The following LCT variants were observed in gnomAD, a reference collection of about 807,000 sequenced individuals.
LCT encodes lactase/phlorizin hydrolase.
Under a neutral mutation model 173.0 loss-of-function variants are expected in LCT, and 90 were observed. The ratio of observed to expected loss-of-function variants is 0.52; its 90% CI spans 0.44 to 0.62. The LOEUF is 0.62. Ranked by LOEUF, LCT falls within the 20% of genes least tolerant of loss-of-function variation. The probability of loss-of-function intolerance (pLI) is 0.00; values close to 1 mark genes in which losing one functional copy is unlikely to be tolerated. For missense variants in LCT, 1,864 were observed against 2,431.4 expected (o/e 0.77, Z 4.91); for synonymous variants, 853 against 957.6 (o/e 0.89, Z 2.02).
chr2:135,811,333 A>G (rs2077732819), intron 7 of LCT, among the ~76,000 whole-genome samples: 1 of 152,224 alleles, frequency 6.6e-6, no homozygotes. Flanking sequence ...TTATTTGGAA[A>G]AAGGATCTTT....
At chr2:135,819,004 C>T (rs569996247) in intron 5 of LCT, among the ~76,000 whole-genome samples, 12 of 152,312 alleles carry the variant, frequency 7.9e-5, no homozygotes, top group African/African-American at 2.6e-4. Context: ...GCTCAAGCAT[C>T]CATCCTGAAC....
chr2:135,793,992 T>C (rs942009185), intron 14 of LCT, among the ~76,000 whole-genome samples: 3 of 142,258 alleles, frequency 2.1e-5, no homozygotes, highest in African/African-American at 7.7e-5. Flanking sequence ...AAAAAAAAAT[T>C]AGCCAGGCGT....
intron 13 of LCT, among the ~76,000 whole-genome samples, chr2:135,795,477 G>C (rs1304006187): frequency 6.6e-6 from 1 of 151,942 alleles, no homozygotes; most frequent in African/African-American, 2.4e-5. Context: ...CTAAAGTGTT[G>C]GGATTACAGG....
At chr2:135,796,323 A>G (rs1027404699) in intron 13 of LCT, among the ~76,000 whole-genome samples, 3 of 152,192 alleles carry the variant, frequency 2.0e-5, no homozygotes, top group African/African-American at 4.8e-5. Context: ...ATGATGGGAG[A>G]AAACCAAAGC....
In LCT at chr2:135,809,359, C is replaced by G. The variant is rs1283758813; in HGVS notation, c.2988G>C (p.Gly996=). 1.2e-6 allele frequency: 2 copies of G among 1,614,186 alleles called. No homozygotes were observed. The highest frequency in any genetic ancestry group is 1.7e-5 in the Admixed American group (1 of 60,024). The change falls in exon 8 of 17, where the codon GGG becomes GGC. Residue 996 remains glycine (G), a synonymous_variant. Transcript: ENST00000264162. This position sits in a 1 kb window ranked among gnomAD's most constrained non-coding sequence, Gnocchi z 5.5. ...TGATCAGCCTGTTGTAATAATCAAC[C>G]CCATGACTGTTGATAGAGCTGTTTC... ...TGRNSSINSH[G]VDYYNRLING...
rs1180768742 is a variant in LCT at position 135,805,038 on chromosome 2, G to T, written c.4193C>A (p.Ala1398Glu). 6.2e-6 allele frequency: 10 copies of T among 1,614,004 alleles called. No homozygotes were observed. The Admixed American group carries it at 6.7e-5, about 11-fold the overall frequency. ...CCAAATGCTGAGTCCTTTGCCATCT[G>T]CTCTCCACGCACCTTCAATCTCAAG... ...AAYQIEGAWR[A>E]DGKGLSIWDT... is the part of the protein sequence containing the mutation. Residue 1398 changes from alanine (A) to glutamate (E), a missense_variant, in exon 10 of 17, where the codon GCA (alanine) becomes GAA (glutamate). By Grantham distance (107) the Ala-to-Glu change is moderately radical (BLOSUM62 -1). This residue lies in a region of LCT where 514 missense variants were observed against 750.1 expected (regional missense o/e 0.69). Coordinates refer to ENST00000264162, the MANE Select transcript of LCT (RefSeq NM_002299.4).
At chr2:135,789,866 GA>G in intron 15 of LCT, 68 bp from the exon 16 acceptor site, 1 of 1,304,698 alleles carries the variant, frequency 7.7e-7, no homozygotes, top group Non-Finnish European at 1.1e-6. Flanking sequence ...CAGGCCTTCG[GA>G]AGCCAGGTCT....
At chr2:135,798,954 G>A (rs1408597479) in intron 12 of LCT, among the ~76,000 whole-genome samples, 2 of 152,126 alleles carry the variant, frequency 1.3e-5, no homozygotes, top group African/African-American at 4.8e-5. Context: ...ATAGTCCATG[G>A]CTGCAGTATC....
At chr2:135,793,152 T>A (rs1228264145) in intron 14 of LCT, among the ~76,000 whole-genome samples, 1 of 152,230 alleles carries the variant, frequency 6.6e-6, no homozygotes. Flanking sequence ...ACTGCTCGCA[T>A]AACCAGCGTT....
rs565277342 is a variant in LCT at position 135,825,005 on chromosome 2, A to G, written c.805-1002T>C. On this transcript the variant is annotated intron_variant, in intron 3 of 16. Transcript: ENST00000264162. ...CAGGCTCCATCTCAAAAAAAAAAAAAAAAAGAAAAAGAAAAGTTATATTAG... is the reference window on the plus strand; with the variant it reads ...CAGGCTCCATCTCAAAAAAAAAAAAGAAAAGAAAAAGAAAAGTTATATTAG... 2.7e-3 allele frequency among the ~76,000 whole-genome samples: 409 copies of G among 151,850 alleles called. 1 individual carries two copies. Among genetic ancestry groups the G allele is most frequent in the African/African-American group, 8.9e-3 (365 of 41,182 alleles).
chr2:135,810,865 A>C (rs2077729001), intron 7 of LCT, among the ~76,000 whole-genome samples: 1 of 151,914 alleles, frequency 6.6e-6, no homozygotes, highest in African/African-American at 2.4e-5. Context: ...TCTCTACTAA[A>C]AATACAAAAA....
chr2:135,807,050 C>G, intron 9 of LCT, 78 bp downstream of exon 9: 1 of 1,528,898 alleles, frequency 6.5e-7, no homozygotes, highest in Non-Finnish European at 9.1e-7. Context: ...ATGCATCTGC[C>G]CTTCCCAGCA....
rs2077655876 is a variant in LCT at position 135,804,809 on chromosome 2, C to T, written c.4422G>A (p.Val1474=). The change falls in exon 10 of 17, where the codon GTG becomes GTA. Residue 1474 remains valine, a synonymous_variant. Transcript: ENST00000264162. ...YINEAGLNYY[V]RLIDTLLAAS... is the part of the protein sequence containing the mutation. Reference sequence around the variant, plus strand: ...CGGCCAGCAGTGTATCGATGAGCCTCACGTAGTAGTTCAGGCCCGCTTCAT... The same window carrying T: ...CGGCCAGCAGTGTATCGATGAGCCTTACGTAGTAGTTCAGGCCCGCTTCAT... The T allele has an allele frequency of 6.2e-7, 1 of 1,613,592 alleles. No homozygotes were observed. The highest frequency in any genetic ancestry group is 8.5e-7 in the Non-Finnish European group (1 of 1,180,048).
rs76910635 is a variant in LCT, at chr2:135,831,772, G to A, written c.720+1339C>T. On this transcript the variant is annotated intron_variant, in intron 2 of 16. Coordinates refer to ENST00000264162, the MANE Select transcript of LCT (RefSeq NM_002299.4). ...CTGGGGCCCCCATCAACGCACAGAC[G>A]CCAATGAGCAGCACAACATCTCTAC... 7.5e-3 allele frequency among the ~76,000 whole-genome samples: 1,138 copies of A among 152,214 alleles called. 13 individuals carry two copies. Among genetic ancestry groups the A allele is most frequent in the African/African-American group, 0.026 (1,070 of 41,508 alleles).
intron 4 of LCT, among the ~76,000 whole-genome samples, chr2:135,823,651 C>T (rs1307383724): frequency 6.6e-6 from 1 of 152,160 alleles, no homozygotes; most frequent in Non-Finnish European, 1.5e-5. Flanking sequence ...CAGCTGAGGC[C>T]TAACTATCTT....
chr2:135,804,164 T>A (rs773119100), intron 10 of LCT, 36 bp from the exon 11 acceptor site: 1 of 1,555,278 alleles, frequency 6.4e-7, no homozygotes, highest in Admixed American at 1.7e-5. Flanking sequence ...GCATCAGTCA[T>A]GCTTTCCATG....
At chr2:135,807,075 T>G (rs2077681875) in intron 9 of LCT, 53 bp downstream of exon 9, 1 of 1,594,952 alleles carries the variant, frequency 6.3e-7, no homozygotes, top group Non-Finnish European at 8.6e-7. Flanking sequence ...GCCCAGAGCC[T>G]GGCACAGGGC....
At chr2:135,836,435 G>T in intron 1 of LCT, 95 bp downstream of exon 1, 1 of 1,104,324 alleles carries the variant, frequency 9.1e-7, no homozygotes, top group Non-Finnish European at 1.4e-6. Context: ...TGCTGAAGGT[G>T]AGTTGGGAGA....
In LCT at chr2:135,790,723, T is replaced by C; in HGVS notation, c.5270A>G (p.Glu1757Gly). The change falls in exon 15 of 17, where the codon GAA becomes GGA. Residue 1757 changes from glutamate (E) to glycine (G), a missense_variant. Physicochemically the swap from Glu to Gly is moderately conservative, Grantham distance 98. Coordinates refer to ENST00000264162, the MANE Select transcript of LCT (RefSeq NM_002299.4). This position sits in a 1 kb window ranked among gnomAD's most constrained non-coding sequence, Gnocchi z 4.1. ...CCTTGCAGTGTCATTGAGGTCTGTTTCTTCCCGCTGGGACACTCCATTCTC... is the reference window on the plus strand; with the variant it reads ...CCTTGCAGTGTCATTGAGGTCTGTTCCTTCCCGCTGGGACACTCCATTCTC... ...VTENGVSQRE[E>G]TDLNDTARIY... 1.2e-6 allele frequency: 2 copies of C among 1,613,796 alleles called. No individual in the cohort carries two copies. Among genetic ancestry groups the C allele is most frequent in the East Asian group, 2.2e-5 (1 of 44,882 alleles).
Sources: gnomAD v4.1 joint callset for allele counts (sites outside exome capture counted in the v4.1 genomes callset) on GRCh38, gnomAD v4.1.1 for gene constraint, gnomAD v4.1.1 regional missense constraint, Gnocchi (gnomAD v3.1) non-coding constraint, MANE v1.5 for transcripts, NCBI Gene and HGNC (gene_info 2026-07-23, HGNC 2026-07-21) for gene names.